Variants in TGFBR2 observed in about 807,000 individuals in gnomAD.
The protein encoded by TGFBR2 is TGF-beta receptor type-2.
In TGFBR2, 18 loss-of-function variants were observed where a neutral mutation model predicts 49.0. The observed-to-expected ratio is 0.37, with a 90% confidence interval of 0.25 to 0.54. The LOEUF is 0.54. Ranked by LOEUF, TGFBR2 falls within the 20% of genes least tolerant of loss-of-function variation. TGFBR2 has a pLI of 0.85. For missense variants in TGFBR2, 525 were observed against 722.6 expected, an observed-to-expected ratio of 0.73 and a Z score of 3.13; for synonymous variants, 282 against 275.9, an observed-to-expected ratio of 1.02 and a Z score of -0.22.
chr3:30,623,107 A>C, intron 1 of TGFBR2: 1 of 734,666 alleles, frequency 1.4e-6, no homozygotes. Context: ...AGTAATAGAA[A>C]GCTTCATTAT....
intron 4 of TGFBR2, 119 bp from the exon 5 acceptor site, chr3:30,673,986 G>T: frequency 8.8e-7 from 1 of 1,132,118 alleles, no homozygotes; most frequent in Non-Finnish European, 1.3e-6. Context: ...CTTTAAAACA[G>T]CACTTTGATT....
intron 1 of TGFBR2, among the ~76,000 whole-genome samples, chr3:30,643,505 C>T (rs568022055): frequency 3.9e-5 from 6 of 152,278 alleles, no homozygotes; most frequent in African/African-American, 1.4e-4. Flanking sequence ...AAAGAATAGT[C>T]TGTCTTCCAT....
intron 3 of TGFBR2, among the ~76,000 whole-genome samples, chr3:30,660,316 A>G (rs1474912336): frequency 6.6e-6 from 1 of 152,158 alleles, no homozygotes; most frequent in Admixed American, 6.6e-5. Flanking sequence ...AGTTATGCTT[A>G]GGCTTGGCTG....
At chr3:30,645,487 A>ACTTCTTT (rs1698713326) in intron 2 of TGFBR2, among the ~76,000 whole-genome samples, 1 of 109,660 alleles carries the variant, frequency 9.1e-6, no homozygotes, top group African/African-American at 3.3e-5. Context: ...AGAACTACAT[A>ACTTCTTT]TTTCTTTTTT....
At chr3:30,608,690 T>C (rs1390583167) in intron 1 of TGFBR2, among the ~76,000 whole-genome samples, 1 of 152,174 alleles carries the variant, frequency 6.6e-6, no homozygotes, top group Non-Finnish European at 1.5e-5. Flanking sequence ...TTTAATCAAA[T>C]TAGGAAGAGG....
At chr3:30,671,015 A>C (rs759147977) in intron 3 of TGFBR2, among the ~76,000 whole-genome samples, 4 of 152,380 alleles carry the variant, frequency 2.6e-5, no homozygotes, top group Admixed American at 1.3e-4. Context: ...ATTTTGGTGC[A>C]AACTGTGGCA....
chr3:30,648,457 CACACA>C (rs1259343845), intron 2 of TGFBR2, among the ~76,000 whole-genome samples: 2 of 142,948 alleles, frequency 1.4e-5, no homozygotes, highest in Non-Finnish European at 3.1e-5. Flanking sequence ...CACACACACA[CACACA>C]AAACTGTGGG....
At chr3:30,645,491 C>CTTTTTTTTTTTTTTT (rs771983813) in intron 2 of TGFBR2, among the ~76,000 whole-genome samples, 1 of 136,316 alleles carries the variant, frequency 7.3e-6, no homozygotes, top group Non-Finnish European at 1.6e-5. Context: ...CTACATATTT[C>CTTTTTTTTTTTTTTT]TTTTTTTTTT....
At chr3:30,618,054 C>T (rs533747419) in intron 1 of TGFBR2, among the ~76,000 whole-genome samples, 3 of 152,094 alleles carry the variant, frequency 2.0e-5, no homozygotes, top group South Asian at 2.1e-4. Context: ...CTTCCTAAGC[C>T]GTTTTAACTA....
chr3:30,611,705 T>C (rs1303666474), intron 1 of TGFBR2, among the ~76,000 whole-genome samples: 3 of 152,076 alleles, frequency 2.0e-5, no homozygotes, highest in Non-Finnish European at 4.4e-5. Context: ...TTTATAAGGG[T>C]GAAGCAGCGT....
intron 1 of TGFBR2, among the ~76,000 whole-genome samples, chr3:30,639,891 G>A (rs1460795752): frequency 1.3e-5 from 2 of 152,180 alleles, no homozygotes; most frequent in Non-Finnish European, 2.9e-5. Flanking sequence ...TTTACCTAAT[G>A]GTTCAGCTAA....
At chr3:30,665,581 A>AAGCTCCGACAGC (rs1262361098) in intron 3 of TGFBR2, among the ~76,000 whole-genome samples, 1 of 152,216 alleles carries the variant, frequency 6.6e-6, no homozygotes, top group African/African-American at 2.4e-5. Flanking sequence ...CACTCCACAG[A>AAGCTCCGACAGC]AGCTCCGACA....
At chr3:30,643,354 G>A (rs1698677342) in intron 1 of TGFBR2, among the ~76,000 whole-genome samples, 1 of 152,188 alleles carries the variant, frequency 6.6e-6, no homozygotes. Flanking sequence ...TGCTGGTTGA[G>A]TGCCTAGTAG....
intron 5 of TGFBR2, among the ~76,000 whole-genome samples, chr3:30,675,885 A>C (rs1699430690): frequency 6.6e-6 from 1 of 152,160 alleles, no homozygotes; most frequent in Admixed American, 6.5e-5. Context: ...TTGTACTTCC[A>C]AGTCCCCAGT....
chr3:30,676,499 T>C lies in TGFBR2; in HGVS notation c.1396+2253T>C, dbSNP rs1015005226. ...TCTGACACCATCCCCTGTTCTTTGTTTACTAATTATGTATTTATATCAGCA... is the reference window on the plus strand; with the variant it reads ...TCTGACACCATCCCCTGTTCTTTGTCTACTAATTATGTATTTATATCAGCA... On this transcript the variant is annotated intron_variant, in intron 5 of 6. Coordinates refer to ENST00000295754, the MANE Select transcript of TGFBR2 (RefSeq NM_003242.6). This position sits in a 1 kb window ranked among gnomAD's most constrained non-coding sequence, Gnocchi z 4.3. 1.3e-5 allele frequency among the ~76,000 whole-genome samples: 2 copies of C among 152,240 alleles called. No homozygotes were observed. The highest frequency in any genetic ancestry group is 4.8e-5 in the African/African-American group (2 of 41,466).
At chr3:30,607,385 C>T (rs1321232418) in intron 1 of TGFBR2, among the ~76,000 whole-genome samples, 1 of 152,242 alleles carries the variant, frequency 6.6e-6, no homozygotes, top group African/African-American at 2.4e-5. Flanking sequence ...CATGGCGATG[C>T]CGCGTGCCCA....
At chr3:30,618,291 G>A (rs1025201426) in intron 1 of TGFBR2, among the ~76,000 whole-genome samples, 6 of 149,350 alleles carry the variant, frequency 4.0e-5, no homozygotes, top group South Asian at 2.1e-4. Context: ...GTACAGTGGC[G>A]CAATCTCGGC....
chr3:30,646,016 A>T (rs997246308), intron 2 of TGFBR2, among the ~76,000 whole-genome samples: 2 of 152,246 alleles, frequency 1.3e-5, no homozygotes, highest in Non-Finnish European at 2.9e-5. Flanking sequence ...ATGAGATATG[A>T]CATTTTGCAG....
At chr3:30,671,531 A>G (rs1451740232) in intron 3 of TGFBR2, 107 bp from the exon 4 acceptor site, 1 of 1,137,362 alleles carries the variant, frequency 8.8e-7, no homozygotes, top group East Asian at 2.4e-5. Context: ...ATCTACAAAA[A>G]CTATGCAGAT....
Sources: gnomAD v4.1 joint callset for allele counts (sites outside exome capture counted in the v4.1 genomes callset) on GRCh38, gnomAD v4.1.1 for gene constraint, Gnocchi (gnomAD v3.1) non-coding constraint, MANE v1.5 for transcripts, NCBI Gene and HGNC (gene_info 2026-07-23, HGNC 2026-07-21) for gene names.